SPECC1: variants seen among roughly 807,000 people sequenced by gnomAD.
SPECC1 encodes sperm antigen with calponin homology and coiled-coil domains 1, also known as cytospin-B.
A neutral mutation model predicts 104.1 loss-of-function variants in SPECC1; 62 were observed. The ratio of observed to expected loss-of-function variants is 0.60; its 90% confidence interval spans 0.49 to 0.74. The LOEUF (loss-of-function observed/expected upper bound fraction) is 0.74. Among genes scored for constraint, SPECC1 ranks in the 30% least tolerant of loss-of-function variants. The pLI, the probability that SPECC1 is intolerant of heterozygous loss-of-function variation, is 0.00. For missense variants in SPECC1, 1,306 were observed against 1,310.5 expected (o/e 1.00, Z 0.05); for synonymous variants, 513 against 501.6 (o/e 1.02, Z -0.30).
At chr17:20,234,825 A>G (rs73981866) in intron 7 of SPECC1, among the ~76,000 whole-genome samples, 4,312 of 152,334 alleles carry the variant, frequency 0.028, 195 homozygotes, top group African/African-American at 0.097. Flanking sequence ...GCAGAAATGC[A>G]AACCAGCATT....
chr17:20,255,723 C>G (rs2151578331), intron 10 of SPECC1, among the ~76,000 whole-genome samples: 1 of 152,234 alleles, frequency 6.6e-6, no homozygotes, highest in African/African-American at 2.4e-5. Flanking sequence ...TGTCACCATG[C>G]CTGGCTAATT....
At chr17:20,261,501 CAAAAAAAAAAAAA>C (rs75833770) in intron 12 of SPECC1, among the ~76,000 whole-genome samples, 1 of 54,750 alleles carries the variant, frequency 1.8e-5, no homozygotes, top group Non-Finnish European at 4.1e-5. Context: ...GACTCCGTCT[CAAAAAAAAAAAAA>C]AAAAAAAAGC....
chr17:20,010,829 A>C (rs1409063044), intron 1 of SPECC1, among the ~76,000 whole-genome samples: 23 of 152,210 alleles, frequency 1.5e-4, no homozygotes. Context: ...GTATTCTATC[A>C]CATTAAGTAC....
intron 3 of SPECC1, among the ~76,000 whole-genome samples, chr17:20,189,852 G>C (rs1233832633): frequency 6.6e-6 from 1 of 152,176 alleles, no homozygotes; most frequent in African/African-American, 2.4e-5. Flanking sequence ...AAGTAAAATG[G>C]AGATGAGATA....
At chr17:20,182,087 C>T (rs1235210824) in intron 3 of SPECC1, among the ~76,000 whole-genome samples, 5 of 149,924 alleles carry the variant, frequency 3.3e-5, no homozygotes, top group Non-Finnish European at 7.4e-5. Context: ...ATACTTCAGA[C>T]AAACCTCAAT....
intron 9 of SPECC1, among the ~76,000 whole-genome samples, chr17:20,248,433 G>A (rs774094066): frequency 5.3e-5 from 8 of 152,114 alleles, no homozygotes; most frequent in African/African-American, 1.9e-4. Context: ...CCTAGTGAAG[G>A]AAAATGGAGT....
At chr17:20,011,133 C>G (rs1031599048) in intron 1 of SPECC1, among the ~76,000 whole-genome samples, 1 of 152,156 alleles carries the variant, frequency 6.6e-6, no homozygotes, top group African/African-American at 2.4e-5. Context: ...TAACAAGGAT[C>G]AGGCTGTCCT....
At chr17:20,086,429 TG>T (rs2047179655) in intron 1 of SPECC1, among the ~76,000 whole-genome samples, 1 of 152,100 alleles carries the variant, frequency 6.6e-6, no homozygotes, top group South Asian at 2.1e-4. Context: ...GCACTCAGTG[TG>T]GTTGGGTCCA....
chr17:20,144,813 A>T (rs747067186), intron 3 of SPECC1, among the ~76,000 whole-genome samples: 5 of 152,302 alleles, frequency 3.3e-5, no homozygotes, highest in African/African-American at 4.8e-5. Context: ...CAAAGAAGGC[A>T]GTGGGCAGAT....
At chr17:20,010,982 A>G (rs1255429975) in intron 1 of SPECC1, among the ~76,000 whole-genome samples, 3 of 152,220 alleles carry the variant, frequency 2.0e-5, no homozygotes, top group Admixed American at 2.0e-4. Context: ...TGGTGGTCAC[A>G]TTGCTAGATT....
intron 3 of SPECC1, among the ~76,000 whole-genome samples, chr17:20,160,541 A>G (rs1381451078): frequency 1.3e-5 from 2 of 152,160 alleles, no homozygotes; most frequent in Non-Finnish European, 2.9e-5. Context: ...TCTCAACCAC[A>G]TTTGCATCAG....
chr17:20,150,153 TTTTTTTAGTA>T (rs1260082899), intron 3 of SPECC1, among the ~76,000 whole-genome samples: 2 of 151,740 alleles, frequency 1.3e-5, no homozygotes, highest in African/African-American at 2.4e-5. Context: ...TTTTGTATTT[TTTTTTTAGTA>T]TAGTAGAGAC....
At chr17:20,143,821 G>T in intron 3 of SPECC1, among the ~76,000 whole-genome samples, 1 of 152,214 alleles carries the variant, frequency 6.6e-6, no homozygotes. Flanking sequence ...GCAGGGATGG[G>T]GGGCTGATCA....
At position 20,207,628 on chromosome 17, in the gene SPECC1, C is replaced by T. The variant is rs148169518; in HGVS notation, c.1863+1716C>T. Among the ~76,000 whole-genome samples, 70 of 152,100 alleles carry T rather than the reference C, an allele frequency of 4.6e-4. No homozygotes were observed. In the East Asian group the frequency reaches 4.8e-3, roughly 10 times the overall value. ...GATCATAAAATATTTTTATTACAGACGATTTAAAAAGTACAGAAAAGTATA... is the reference window on the plus strand; with the variant it reads ...GATCATAAAATATTTTTATTACAGATGATTTAAAAAGTACAGAAAAGTATA... On this transcript the variant is annotated intron_variant, in intron 4 of 14. Coordinates refer to ENST00000395527, the MANE Select transcript of SPECC1 (RefSeq NM_001243439.2).
intron 3 of SPECC1, among the ~76,000 whole-genome samples, chr17:20,111,600 A>G (rs1411978813): frequency 6.6e-6 from 1 of 152,230 alleles, no homozygotes; most frequent in Non-Finnish European, 1.5e-5. Flanking sequence ...TCAAAAAAAG[A>G]CAGACTGGGA....
chr17:20,164,338 T>A (rs2033452871), intron 3 of SPECC1, among the ~76,000 whole-genome samples: 1 of 151,486 alleles, frequency 6.6e-6, no homozygotes, highest in Middle Eastern at 3.4e-3. Context: ...TAAAAAAAAT[T>A]TTTTTTTTGG....
intron 1 of SPECC1, among the ~76,000 whole-genome samples, chr17:20,013,371 C>G (rs1010781093): frequency 1.3e-5 from 2 of 152,168 alleles, no homozygotes; most frequent in East Asian, 1.9e-4. Context: ...ATCTGTTATT[C>G]TCTCTCTTTT....
intron 3 of SPECC1, among the ~76,000 whole-genome samples, chr17:20,195,827 T>G (rs1348887986): frequency 6.6e-6 from 1 of 152,214 alleles, no homozygotes; most frequent in Non-Finnish European, 1.5e-5. Context: ...TAAGGTAAGA[T>G]TCTCATAAAC....
At chr17:20,176,559 T>C (rs140557648) in intron 3 of SPECC1, among the ~76,000 whole-genome samples, 223 of 152,346 alleles carry the variant, frequency 1.5e-3, no homozygotes, top group Middle Eastern at 6.8e-3. Context: ...CTGGCAGTTC[T>C]AGAGGTTAGA....
Sources: allele counts gnomAD v4.1 joint callset (sites outside exome capture counted in the v4.1 genomes callset), GRCh38; gene constraint gnomAD v4.1.1; transcripts MANE v1.5; gene names NCBI Gene and HGNC (gene_info 2026-07-23, HGNC 2026-07-21).